The following TET3 variants were observed in gnomAD, a reference collection of about 807,000 sequenced individuals.
The protein encoded by TET3 is methylcytosine dioxygenase TET3.
In TET3, 19 loss-of-function variants were observed where a neutral mutation model predicts 141.4. That is an observed-to-expected ratio of 0.13 (90% CI 0.09 to 0.20). TET3 has a LOEUF of 0.20. TET3 is among the 10% of genes least tolerant of loss of function. The pLI is 1.00. For synonymous variants in TET3, 1,043 were observed against 980.9 expected, an observed-to-expected ratio of 1.06 and a Z score of -1.18; for missense variants, 1,874 against 2,356.9, an observed-to-expected ratio of 0.80 and a Z score of 4.24.
In TET3 at chr2:74,080,472, A is replaced by G. The variant is rs368842049; in HGVS notation, c.2586-26A>G. The G allele has an allele frequency of 2.6e-5, 41 of 1,600,832 alleles. No individual in the cohort carries two copies. In the South Asian group the frequency reaches 4.1e-4, roughly 16 times the overall value. On this transcript the variant is annotated intron_variant, in intron 5 of 11. Coordinates refer to ENST00000409262, the MANE Select transcript of TET3 (RefSeq NM_001287491.2). The stretch of plus-strand genomic sequence containing the variant: ...TCTCCTTTGGGGTTCTGCTGTGCTA[A>G]TGGTGGCTTCTGTCTCCCTCTTCAG...
chr2:74,098,064 A>C (rs567739872), intron 10 of TET3, among the ~76,000 whole-genome samples: 28 of 152,340 alleles, frequency 1.8e-4, no homozygotes, highest in Admixed American at 1.2e-3. Flanking sequence ...AGTGAGCAAA[A>C]AGTTTTTAAA....
chr2:74,099,392 G>A lies in TET3; in HGVS notation c.3384G>A (p.Glu1128=), dbSNP rs772950643. The A allele has an allele frequency of 7.4e-6, 12 of 1,613,886 alleles. No homozygotes were observed. The highest frequency in any genetic ancestry group is 1.0e-5 in the Non-Finnish European group (12 of 1,179,906). Residue 1128 remains glutamate, a synonymous_variant, in exon 11 of 12, where the codon GAG becomes GAA. Transcript: ENST00000409262. ...ACACGGATGAGTTTGGTAGCGAGGA[G>A]AACCAGAATGCAAAGGTGGGCAGCG... ...MANTDEFGSE[E]NQNAKVGSGA... is the part of the protein sequence containing the mutation.
At chr2:74,002,701 A>C (rs1339737309) in intron 2 of TET3, 2 of 431,572 alleles carry the variant, frequency 4.6e-6, no homozygotes, top group African/African-American at 4.1e-5. Context: ...CGCAGCCGGC[A>C]GCTGGCCGCC....
the TET3 span, among the ~76,000 whole-genome samples, chr2:74,124,956 C>CT: frequency 7.9e-6 from 1 of 126,654 alleles, no homozygotes; most frequent in Non-Finnish European, 1.7e-5. Context: ...AGGTTAAAAA[C>CT]TAAAAAAAAA....
chr2:74,092,067 G>A (rs1452675048), intron 8 of TET3, among the ~76,000 whole-genome samples: 1 of 152,198 alleles, frequency 6.6e-6, no homozygotes, highest in African/African-American at 2.4e-5. Flanking sequence ...ACTTTGGGAG[G>A]CCAAGGTGGT....
At chr2:74,017,484 A>G (rs1224612227) in intron 3 of TET3, among the ~76,000 whole-genome samples, 1 of 152,210 alleles carries the variant, frequency 6.6e-6, no homozygotes, top group East Asian at 1.9e-4. Flanking sequence ...GAGTGAGAAC[A>G]TGTGGTATTT....
At chr2:73,995,522 A>C (rs996741106) in intron 2 of TET3, among the ~76,000 whole-genome samples, 1 of 152,186 alleles carries the variant, frequency 6.6e-6, no homozygotes, top group Non-Finnish European at 1.5e-5. Flanking sequence ...AGCGTGCCCT[A>C]CCTGAGCCCT....
the TET3 span, among the ~76,000 whole-genome samples, chr2:74,119,219 G>A: frequency 2.0e-5 from 3 of 152,110 alleles, no homozygotes; most frequent in Non-Finnish European, 4.4e-5. Context: ...TGGGTATGGT[G>A]TCACGTGCCT....
rs1376578391 is a variant in TET3, at chr2:74,046,775, G to A, written c.858G>A (p.Leu286=). 1 of 1,613,662 alleles carries A rather than the reference G, an allele frequency of 6.2e-7. No homozygotes were observed. Among genetic ancestry groups the A allele is most frequent in the Admixed American group, 1.7e-5 (1 of 60,032 alleles). ...GPECPDYLEW[L]EGKIKSVVME... is the part of the protein sequence containing the mutation. The stretch of plus-strand genomic sequence containing the variant: ...AATGCCCTGACTACCTCGAGTGGCT[G>A]GAGGGGAAGATCAAGTCTGTGGTCA... The change falls in exon 4 of 12, where the codon CTG becomes CTA. Residue 286 remains leucine, a synonymous_variant. Transcript: ENST00000409262. This position sits in a 1 kb window ranked among gnomAD's most constrained non-coding sequence, Gnocchi z 4.3.
chr2:74,111,155 A>T (rs1177585568), downstream of TET3, among the ~76,000 whole-genome samples: 1 of 152,046 alleles, frequency 6.6e-6, no homozygotes, highest in African/African-American at 2.4e-5. Context: ...GCCCCCTTTC[A>T]TGAGCCCCTT....
At position 74,060,338 on chromosome 2, in the gene TET3, C is replaced by A. The variant is rs944318985; in HGVS notation, c.2494+11927C>A. On this transcript the variant is annotated intron_variant, in intron 4 of 11. Transcript: ENST00000409262. ...CAAGTCATTCAAGTTGCTGTTCAAG[C>A]CCATTTCTGTATTGTTTTTCTTATT... 5.9e-5 allele frequency among the ~76,000 whole-genome samples: 9 copies of A among 152,078 alleles called. No individual in the cohort carries two copies. In the East Asian group the frequency reaches 1.3e-3, roughly 23 times the overall value.
intron 4 of TET3, among the ~76,000 whole-genome samples, chr2:74,066,274 A>T (rs1201022380): frequency 6.6e-6 from 1 of 152,178 alleles, no homozygotes; most frequent in Non-Finnish European, 1.5e-5. Flanking sequence ...AAGACACTTA[A>T]TATCTTAGTT....
the TET3 span, among the ~76,000 whole-genome samples, chr2:74,128,282 TTTC>T: frequency 2.0e-5 from 3 of 152,234 alleles, no homozygotes; most frequent in Admixed American, 1.3e-4. Flanking sequence ...TGATTGTGAC[TTTC>T]TTCTTTTGTA....
In TET3 at chr2:73,997,660, C is replaced by A. The variant is rs534891521; in HGVS notation, c.304-5450C>A. 1.4e-4 allele frequency among the ~76,000 whole-genome samples: 21 copies of A among 152,278 alleles called. No homozygotes were observed. In the South Asian group the frequency reaches 4.1e-3, roughly 30 times the overall value. ...TCTCTCTGGTGCTGCTTCAGTTTCC[C>A]GAGGCAGGACATCATCTGCTTTGAC... On this transcript the variant is annotated intron_variant, in intron 2 of 11. Transcript: ENST00000409262.
intron 4 of TET3, among the ~76,000 whole-genome samples, chr2:74,056,489 G>T (rs1688219427): frequency 6.6e-6 from 1 of 152,026 alleles, no homozygotes; most frequent in African/African-American, 2.4e-5. Context: ...ATTGGATTTT[G>T]CTCTCCTGAG....
downstream of TET3, among the ~76,000 whole-genome samples, chr2:74,109,699 T>C (rs908895449): frequency 6.6e-6 from 1 of 152,220 alleles, no homozygotes; most frequent in African/African-American, 2.4e-5. Flanking sequence ...GTCCAGGCCC[T>C]GTCCACCACT....
At chr2:74,036,785 C>T (rs181904674) in intron 3 of TET3, among the ~76,000 whole-genome samples, 37 of 152,282 alleles carry the variant, frequency 2.4e-4, no homozygotes, top group African/African-American at 8.7e-4. Flanking sequence ...CTTTCTTCCT[C>T]GAACCCACAT....
intron 4 of TET3, among the ~76,000 whole-genome samples, chr2:74,064,693 C>T (rs912764968): frequency 2.0e-5 from 3 of 152,162 alleles, no homozygotes; most frequent in Non-Finnish European, 4.4e-5. Context: ...GCCACCACAG[C>T]TGGCCCAGAT....
chr2:74,089,702 A>T (rs1203054110), intron 7 of TET3, among the ~76,000 whole-genome samples, 195 bp from the exon 8 acceptor site: 1 of 152,232 alleles, frequency 6.6e-6, no homozygotes, highest in Non-Finnish European at 1.5e-5. Flanking sequence ...TGGTGCAGGC[A>T]GCAGAGGCTG....
Sources: allele counts gnomAD v4.1 joint callset (sites outside exome capture counted in the v4.1 genomes callset), GRCh38; gene constraint gnomAD v4.1.1; non-coding constraint Gnocchi (gnomAD v3.1); transcripts MANE v1.5; gene names NCBI Gene and HGNC (gene_info 2026-07-23, HGNC 2026-07-21).